The following DAB1 variants were observed in gnomAD, a reference collection of about 807,000 sequenced individuals.
The protein encoded by DAB1 is DAB adaptor protein 1.
In DAB1, 15 loss-of-function variants were observed where a neutral mutation model predicts 64.6. The ratio of observed to expected loss-of-function variants is 0.23; its 90% confidence interval spans 0.16 to 0.36. The LOEUF (loss-of-function observed/expected upper bound fraction) is 0.36. Among genes scored for constraint, DAB1 ranks in the 10% least tolerant of loss-of-function variants. The pLI is 1.00. For synonymous variants in DAB1, 235 were observed against 251.9 expected (o/e 0.93, Z 0.64); for missense variants, 596 against 706.7 (o/e 0.84, Z 1.78).
intron 1 of DAB1, among the ~76,000 whole-genome samples, chr1:57,347,846 A>G (rs1195265703): frequency 6.6e-6 from 1 of 152,188 alleles, no homozygotes; most frequent in Non-Finnish European, 1.5e-5. Flanking sequence ...TACTGCTAAA[A>G]GGAGCAAGTG....
At chr1:58,394,512 T>C (rs1644502899) in intron 3 of DAB1, among the ~76,000 whole-genome samples, 1 of 152,216 alleles carries the variant, frequency 6.6e-6, no homozygotes, top group Non-Finnish European at 1.5e-5. Context: ...AGTACATCCA[T>C]ACAGTGGGAA....
chr1:57,481,316 C>G (rs1268558288), intron 7 of DAB1, among the ~76,000 whole-genome samples: 1 of 152,084 alleles, frequency 6.6e-6, no homozygotes, highest in Non-Finnish European at 1.5e-5. Context: ...TCTACTAGGC[C>G]TCTCTCTCTG....
At chr1:57,249,168 G>A (rs1010928075) in intron 2 of DAB1, among the ~76,000 whole-genome samples, 1 of 152,090 alleles carries the variant, frequency 6.6e-6, no homozygotes, top group Admixed American at 6.5e-5. Context: ...AAAACAAATA[G>A]TCAAAGTAGC....
intron 6 of DAB1, 173 bp downstream of exon 6, chr1:57,071,349 G>T: frequency 1.3e-6 from 1 of 775,790 alleles, no homozygotes; most frequent in Non-Finnish European, 2.0e-6. Flanking sequence ...TAGAGTTTAA[G>T]AGAATAAGGA....
At chr1:58,146,001 C>A (rs769899742) in intron 5 of DAB1, among the ~76,000 whole-genome samples, 13 of 152,198 alleles carry the variant, frequency 8.5e-5, no homozygotes, top group Non-Finnish European at 1.0e-4. Flanking sequence ...TGATGGCCCA[C>A]TTCTACCTAA....
At chr1:57,375,726 C>A (rs1178856576) in intron 1 of DAB1, among the ~76,000 whole-genome samples, 1 of 152,186 alleles carries the variant, frequency 6.6e-6, no homozygotes, top group Non-Finnish European at 1.5e-5. Context: ...GCACACAGCA[C>A]AGTAGCCTCA....
chr1:57,988,917 C>T (rs142427586), intron 5 of DAB1, among the ~76,000 whole-genome samples: 1 of 152,282 alleles, frequency 6.6e-6, no homozygotes, highest in African/African-American at 2.4e-5. Flanking sequence ...GGCCAGACCT[C>T]AACAGCCTTA....
At chr1:58,503,529 T>C (rs918758717) in intron 3 of DAB1, among the ~76,000 whole-genome samples, 2 of 152,156 alleles carry the variant, frequency 1.3e-5, no homozygotes, top group Non-Finnish European at 2.9e-5. Flanking sequence ...AATTTATATG[T>C]TGAAATTCCA....
chr1:58,469,091 T>C (rs1421904441), intron 3 of DAB1: 1 of 198,470 alleles, frequency 5.0e-6, no homozygotes, highest in Non-Finnish European at 9.1e-6. Flanking sequence ...GTCTCAAGCA[T>C]CATTGCTGGC....
At chr1:57,692,200 C>T (rs867971064) in intron 6 of DAB1, among the ~76,000 whole-genome samples, 4 of 152,094 alleles carry the variant, frequency 2.6e-5, no homozygotes, top group East Asian at 3.9e-4. Flanking sequence ...GGTCCTAATG[C>T]CTGTCAGACA....
At chr1:58,158,558 A>G (rs2100745090) in intron 4 of DAB1, among the ~76,000 whole-genome samples, 1 of 152,254 alleles carries the variant, frequency 6.6e-6, no homozygotes, top group East Asian at 1.9e-4. Flanking sequence ...GAAGAAGGTG[A>G]GACTCGAAGG....
chr1:57,023,158 A>T (rs954026644), intron 11 of DAB1, among the ~76,000 whole-genome samples: 26 of 152,320 alleles, frequency 1.7e-4, no homozygotes, highest in African/African-American at 6.0e-4. Flanking sequence ...GGTCTCAAGA[A>T]GTCTATAGAA....
intron 5 of DAB1, among the ~76,000 whole-genome samples, chr1:58,003,647 A>G (rs1465123527): frequency 6.6e-6 from 1 of 152,162 alleles, no homozygotes; most frequent in Admixed American, 6.5e-5. Flanking sequence ...GTCCACATCA[A>G]TGCCTTCAAC....
chr1:57,570,780 C>T (rs985234054), intron 7 of DAB1, among the ~76,000 whole-genome samples: 3 of 152,110 alleles, frequency 2.0e-5, no homozygotes, highest in East Asian at 1.9e-4. Context: ...TTGTAGATTG[C>T]TTTTGGCAGT....
intron 6 of DAB1, among the ~76,000 whole-genome samples, chr1:57,687,599 C>CAAAAAAAA (rs57316234): frequency 0.039 from 3,112 of 79,740 alleles, 2 homozygotes; most frequent in East Asian, 0.067. Context: ...TCTTAAGAAA[C>CAAAAAAAA]AAAAAAAAAA....
intron 1 of DAB1, among the ~76,000 whole-genome samples, chr1:57,309,127 A>G (rs188169529): frequency 1.3e-5 from 2 of 152,294 alleles, no homozygotes; most frequent in Non-Finnish European, 2.9e-5. Context: ...TCTTTTTCCA[A>G]CGTGGCTCAG....
chr1:58,496,709 C>T (rs1645808847), intron 3 of DAB1, among the ~76,000 whole-genome samples: 2 of 152,032 alleles, frequency 1.3e-5, no homozygotes, highest in Non-Finnish European at 2.9e-5. Flanking sequence ...GTACACTTAC[C>T]GTTCTGATTT....
chr1:57,812,680 A>G (rs913693919), intron 6 of DAB1, among the ~76,000 whole-genome samples: 2 of 152,264 alleles, frequency 1.3e-5, no homozygotes, highest in Non-Finnish European at 2.9e-5. Context: ...ATTCACAAAC[A>G]GTAAATGGCA....
intron 6 of DAB1, among the ~76,000 whole-genome samples, chr1:57,688,627 A>C (rs1278563006): frequency 1.3e-5 from 2 of 152,084 alleles, no homozygotes; most frequent in Non-Finnish European, 2.9e-5. Context: ...TATGTTCATC[A>C]CAGTGCTATT....
Sources: gnomAD v4.1 joint callset for allele counts (sites outside exome capture counted in the v4.1 genomes callset) on GRCh38, gnomAD v4.1.1 for gene constraint, MANE v1.5 for transcripts, NCBI Gene and HGNC (gene_info 2026-07-23, HGNC 2026-07-21) for gene names.